The following TLL2 variants were observed in gnomAD, a reference collection of about 807,000 sequenced individuals.
The protein encoded by TLL2 is tolloid-like protein 2.
Under a neutral mutation model 123.0 loss-of-function variants are expected in TLL2, and 106 were observed. The ratio of observed to expected loss-of-function variants is 0.86; its 90% confidence interval spans 0.74 to 1.01. The LOEUF is 1.01. Among genes scored for constraint, TLL2 ranks in the 50% least tolerant of loss-of-function variants. The pLI, the probability that TLL2 is intolerant of heterozygous loss-of-function variation, is 0.00. For missense variants in TLL2, 1,332 were observed against 1,336.7 expected (o/e 1.00, Z 0.06); for synonymous variants, 494 against 516.8 (o/e 0.96, Z 0.60).
At chr10:96,488,210 C>A (rs534986613) in intron 1 of TLL2, among the ~76,000 whole-genome samples, 3 of 152,216 alleles carry the variant, frequency 2.0e-5, no homozygotes, top group African/African-American at 7.2e-5. Context: ...CTGAGGTCAC[C>A]GGCCATGGCC....
rs4146726 is a variant in TLL2 at position 96,507,919 on chromosome 10, T to C, written c.175+5592A>G. ...TAACTCCAATATTGCCCTGAAATAT[T>C]TTAATTCCATCAAATCAGCACCTGC... On this transcript the variant is annotated intron_variant, in intron 1 of 20. Transcript: ENST00000357947. Among the ~76,000 whole-genome samples, 265 of 152,342 alleles carry C rather than the reference T, an allele frequency of 1.7e-3. 4 individuals carry two copies. In the East Asian group the frequency reaches 0.046, roughly 26 times the overall value.
chr10:96,413,430 G>A, intron 7 of TLL2, 114 bp from the exon 8 acceptor site: 3 of 1,339,904 alleles, frequency 2.2e-6, no homozygotes. Context: ...CCTGCCCCCT[G>A]GCCAGCCTCT....
chr10:96,429,155 T>TA (rs923878550), intron 4 of TLL2, among the ~76,000 whole-genome samples: 12 of 150,970 alleles, frequency 7.9e-5, no homozygotes, highest in South Asian at 4.2e-4. Flanking sequence ...TTCCAACAAT[T>TA]AAAAAAAAAG....
At chr10:96,375,398 A>G (rs1040980207) in intron 18 of TLL2, 1 of 152,188 alleles carries the variant, frequency 6.6e-6, no homozygotes, top group Non-Finnish European at 1.5e-5. Context: ...TGAGTCTGTG[A>G]GCCTCGGGCA....
intron 7 of TLL2, among the ~76,000 whole-genome samples, chr10:96,417,786 T>C (rs1300976507): frequency 6.6e-6 from 1 of 152,172 alleles, no homozygotes; most frequent in Non-Finnish European, 1.5e-5. Flanking sequence ...GGCGTGTGAC[T>C]GGTCATTCTG....
intron 19 of TLL2, among the ~76,000 whole-genome samples, chr10:96,370,913 G>A (rs1846076544): frequency 6.6e-6 from 1 of 152,124 alleles, no homozygotes; most frequent in Non-Finnish European, 1.5e-5. Flanking sequence ...GCTCTGGGCT[G>A]GTATTCTGTA....
At chr10:96,503,179 C>A (rs532217694) in intron 1 of TLL2, among the ~76,000 whole-genome samples, 2 of 152,052 alleles carry the variant, frequency 1.3e-5, no homozygotes, top group Non-Finnish European at 1.5e-5. Context: ...TGCTATGTAT[C>A]CCAGGAGAAC....
At chr10:96,469,472 C>G (rs1847158277) in intron 2 of TLL2, among the ~76,000 whole-genome samples, 1 of 152,216 alleles carries the variant, frequency 6.6e-6, no homozygotes, top group Admixed American at 6.5e-5. Flanking sequence ...ACCCCAGCCT[C>G]CCTGTGTCTG....
intron 3 of TLL2, among the ~76,000 whole-genome samples, chr10:96,435,234 T>C (rs1031353253): frequency 3.3e-5 from 5 of 152,070 alleles, no homozygotes; most frequent in African/African-American, 9.7e-5. Context: ...GGTTTCACCA[T>C]GTTAGCCAGG....
intron 3 of TLL2, among the ~76,000 whole-genome samples, chr10:96,436,689 C>A (rs1180102924): frequency 6.6e-6 from 1 of 151,470 alleles, no homozygotes; most frequent in African/African-American, 2.4e-5. Flanking sequence ...TATTGCTATA[C>A]CTTTTTTTTT....
intron 1 of TLL2, among the ~76,000 whole-genome samples, chr10:96,489,412 C>T (rs898965164): frequency 6.6e-6 from 1 of 152,072 alleles, no homozygotes; most frequent in African/African-American, 2.4e-5. Flanking sequence ...ACCAGTGGCC[C>T]CAGGTACATG....
chr10:96,448,941 G>A lies in TLL2; in HGVS notation c.287-2773C>T, dbSNP rs181012903. On this transcript the variant is annotated intron_variant, in intron 2 of 20. Coordinates refer to ENST00000357947, the MANE Select transcript of TLL2 (RefSeq NM_012465.4). ...TAGATGGGATCCAGAGGACAGGAAAGGGCTTTGTAACTGCACTGGTTTTGT... is the reference window on the plus strand; with the variant it reads ...TAGATGGGATCCAGAGGACAGGAAAAGGCTTTGTAACTGCACTGGTTTTGT... Among the ~76,000 whole-genome samples, 13 of 152,260 alleles carry A rather than the reference G, an allele frequency of 8.5e-5. No individual in the cohort carries two copies. In the East Asian group the frequency reaches 2.5e-3, roughly 29 times the overall value.
At chr10:96,470,181 G>A (rs1463790965) in intron 2 of TLL2, among the ~76,000 whole-genome samples, 1 of 152,256 alleles carries the variant, frequency 6.6e-6, no homozygotes, top group East Asian at 1.9e-4. Flanking sequence ...GACACTCTCT[G>A]CAAGGTGATG....
At chr10:96,369,172 C>T (rs563994618) in intron 20 of TLL2, among the ~76,000 whole-genome samples, 10 of 152,236 alleles carry the variant, frequency 6.6e-5, no homozygotes, top group Non-Finnish European at 1.0e-4. Context: ...GTGTCCAGTG[C>T]GGTGCAGCCA....
intron 2 of TLL2, among the ~76,000 whole-genome samples, chr10:96,473,327 C>T (rs891776399): frequency 3.9e-4 from 60 of 151,956 alleles, no homozygotes; most frequent in African/African-American, 1.3e-3. Context: ...TGGTGATGGG[C>T]GCCTGAAATC....
chr10:96,390,568 G>C (rs954910766), intron 13 of TLL2, among the ~76,000 whole-genome samples: 8 of 152,260 alleles, frequency 5.3e-5, no homozygotes, highest in African/African-American at 1.7e-4. Context: ...CTGGGCCCTG[G>C]GCAGAGCACC....
Position 96,395,355 on chromosome 10 carries a change from C to T in TLL2, c.1558G>A (p.Asp520Asn). ...EIERHDSCAYDYLEVRDGPTE... is the reference protein window; with the variant it reads ...EIERHDSCAYNYLEVRDGPTE... Reference sequence around the variant, plus strand: ...GGGCCATCCCGGACTTCCAGGTAGTCATATGCACAGCTGTCGTGCCTTTCA... The same window carrying T: ...GGGCCATCCCGGACTTCCAGGTAGTTATATGCACAGCTGTCGTGCCTTTCA... The change falls in exon 13 of 21, where the codon GAC becomes AAC. Residue 520 changes from aspartate to asparagine, a missense_variant. Asp to Asn is a conservative substitution (Grantham distance 23). Coordinates refer to ENST00000357947, the MANE Select transcript of TLL2 (RefSeq NM_012465.4). 6.2e-7 allele frequency: 1 copy of T among 1,608,630 alleles called. No individual in the cohort carries two copies.
At chr10:96,392,738 A>G (rs1015864769) in intron 13 of TLL2, among the ~76,000 whole-genome samples, 28 of 152,256 alleles carry the variant, frequency 1.8e-4, no homozygotes, top group African/African-American at 6.8e-4. Flanking sequence ...AGCTGTCTAC[A>G]GCTTGGCCTC....
At chr10:96,417,503 A>G (rs1846574296) in intron 7 of TLL2, among the ~76,000 whole-genome samples, 1 of 152,212 alleles carries the variant, frequency 6.6e-6, no homozygotes, top group Admixed American at 6.5e-5. Context: ...ACCTCCCAGT[A>G]AGAGGTGGAG....
Sources: gnomAD v4.1 joint callset for allele counts (sites outside exome capture counted in the v4.1 genomes callset) on GRCh38, gnomAD v4.1.1 for gene constraint, MANE v1.5 for transcripts, NCBI Gene and HGNC (gene_info 2026-07-23, HGNC 2026-07-21) for gene names.